The following STAM variants were observed in gnomAD, a reference collection of about 807,000 sequenced individuals.
STAM encodes signal transducing adaptor molecule, also known as signal transducing adapter molecule 1.
STAM carries 16 observed loss-of-function variants against 63.4 expected under a neutral mutation model. That is an observed-to-expected ratio of 0.25 (90% CI 0.17 to 0.38). STAM has a LOEUF of 0.38. Ranked by LOEUF, STAM falls within the 10% of genes least tolerant of loss-of-function variation. The pLI, the probability that STAM is intolerant of heterozygous loss-of-function variation, is 1.00. For synonymous variants in STAM, 238 were observed against 223.9 expected (o/e 1.06, Z -0.56); for missense variants, 636 against 657.1 (o/e 0.97, Z 0.35).
intron 8 of STAM, among the ~76,000 whole-genome samples, chr10:17,699,858 A>G (rs558997886): frequency 6.6e-6 from 1 of 152,314 alleles, no homozygotes; most frequent in South Asian, 2.1e-4. Flanking sequence ...CACTTAGGCC[A>G]TTGTAAAACT....
chr10:17,708,693 G>C, intron 12 of STAM, 83 bp from the exon 13 acceptor site: 1 of 1,312,254 alleles, frequency 7.6e-7, no homozygotes, highest in African/African-American at 1.5e-5. Flanking sequence ...TCTTGTTTTT[G>C]TAACTGAATA....
rs1253905340 is a variant in STAM, at chr10:17,715,813, G to A, written c.*1033G>A. The A allele has an allele frequency of 2.0e-5, 3 of 152,614 alleles. No homozygotes were observed. Among genetic ancestry groups the A allele is most frequent in the Admixed American group, 6.5e-5 (1 of 15,276 alleles). 9.5% of individuals were successfully genotyped at this position (152,614 alleles called of 1,614,324 possible). ...TTGGGATATCAACAAAATTTGATTCGTCTGTCTAATCCCTTGCTAGTATTT... is the reference window on the plus strand; with the variant it reads ...TTGGGATATCAACAAAATTTGATTCATCTGTCTAATCCCTTGCTAGTATTT... On this transcript the variant is annotated 3_prime_UTR_variant, in exon 14 of 14. Transcript: ENST00000377524.
intron 2 of STAM, among the ~76,000 whole-genome samples, chr10:17,683,027 C>T (rs1051901341): frequency 1.2e-4 from 18 of 152,254 alleles, no homozygotes; most frequent in Non-Finnish European, 1.9e-4. Context: ...AAACTGCTAA[C>T]GGTAGTGAAT....
intron 10 of STAM, 34 bp downstream of exon 10, chr10:17,704,552 GTAGT>G: frequency 1.3e-6 from 2 of 1,544,362 alleles, no homozygotes; most frequent in South Asian, 2.2e-5. Flanking sequence ...CAAATAAAGA[GTAGT>G]TAGAGGTTAA....
rs1223509007 is a variant in STAM at position 17,659,463 on chromosome 10, C to CTTTTTTTT, written c.41-986_41-979dup. Reference sequence around the variant, plus strand: ...GGTATTCCATCTTTATTCTCTTCCTCTTTTTTTTTTTTTTTTTTTTTTAAA... The same window carrying CTTTTTTTT: ...GGTATTCCATCTTTATTCTCTTCCTCTTTTTTTTTTTTTTTTTTTTTTTTTTTTTTAAA... On this transcript the variant is annotated intron_variant, in intron 1 of 13. Transcript: ENST00000377524. Among the ~76,000 whole-genome samples, 149 of 107,510 alleles carry CTTTTTTTT rather than the reference C, an allele frequency of 1.4e-3. 5 individuals carry two copies. Among genetic ancestry groups the CTTTTTTTT allele is most frequent in the African/African-American group, 5.1e-3 (141 of 27,426 alleles). 70.5% of individuals were successfully genotyped at this position (107,510 alleles called of 152,430 possible).
At chr10:17,698,736 TA>T (rs1274905427) in intron 8 of STAM, among the ~76,000 whole-genome samples, 1 of 152,146 alleles carries the variant, frequency 6.6e-6, no homozygotes, top group Non-Finnish European at 1.5e-5. Context: ...ATAAATAATA[TA>T]TTTTTTTACA....
chr10:17,687,355 A>G (rs575259286), intron 4 of STAM, among the ~76,000 whole-genome samples: 64 of 152,112 alleles, frequency 4.2e-4, no homozygotes, highest in African/African-American at 1.5e-3. Flanking sequence ...CGCGCCTGTA[A>G]TCCTACTCGG....
At chr10:17,693,939 C>T (rs1835650933) in intron 6 of STAM, among the ~76,000 whole-genome samples, 1 of 152,150 alleles carries the variant, frequency 6.6e-6, no homozygotes, top group Non-Finnish European at 1.5e-5. Flanking sequence ...TATTATTAAT[C>T]TGACAACACT....
At chr10:17,664,233 A>C in intron 2 of STAM, among the ~76,000 whole-genome samples, 1 of 152,022 alleles carries the variant, frequency 6.6e-6, no homozygotes, top group East Asian at 1.9e-4. Flanking sequence ...AAACTGTGGG[A>C]TACTTATGGT....
At chr10:17,711,457 A>C (rs1166350799) in intron 13 of STAM, among the ~76,000 whole-genome samples, 1 of 152,220 alleles carries the variant, frequency 6.6e-6, no homozygotes, top group African/African-American at 2.4e-5. Flanking sequence ...CAAGGTGCTT[A>C]CTGAGTAGTA....
intron 2 of STAM, among the ~76,000 whole-genome samples, chr10:17,663,530 T>A (rs1834259019): frequency 6.6e-6 from 1 of 152,092 alleles, no homozygotes; most frequent in African/African-American, 2.4e-5. Flanking sequence ...GTCAGTGTTT[T>A]TTCCTTTTCT....
chr10:17,705,941 G>A (rs1194250983), intron 12 of STAM, among the ~76,000 whole-genome samples, 200 bp downstream of exon 12: 2 of 151,602 alleles, frequency 1.3e-5, no homozygotes, highest in Non-Finnish European at 2.9e-5. Flanking sequence ...GCTGGGGCAT[G>A]TTCCTTGGTC....
At chr10:17,687,870 CATT>C (rs1435002516) in intron 4 of STAM, among the ~76,000 whole-genome samples, 154 bp from the exon 5 acceptor site, 2 of 152,122 alleles carry the variant, frequency 1.3e-5, no homozygotes, top group Non-Finnish European at 2.9e-5. Flanking sequence ...ATAGTGTGAA[CATT>C]AGTTTTATTT....
intron 1 of STAM, among the ~76,000 whole-genome samples, chr10:17,646,563 A>G (rs189079018): frequency 6.6e-6 from 1 of 152,358 alleles, no homozygotes; most frequent in Admixed American, 6.5e-5. Flanking sequence ...AGAATGTGTC[A>G]GTTGAGCCTG....
intron 8 of STAM, among the ~76,000 whole-genome samples, chr10:17,697,741 T>C (rs1835822973): frequency 6.6e-6 from 1 of 152,188 alleles, no homozygotes; most frequent in Admixed American, 6.5e-5. Context: ...CAGAAAAATA[T>C]GTTCAAATCT....
intron 1 of STAM, among the ~76,000 whole-genome samples, chr10:17,653,638 TAG>T (rs1464399903): frequency 2.6e-5 from 4 of 152,190 alleles, no homozygotes; most frequent in African/African-American, 9.6e-5. Context: ...ACCGAACACA[TAG>T]AGACATTTTT....
chr10:17,714,454 A>G (rs1836711823), intron 13 of STAM, 89 bp from the exon 14 acceptor site: 2 of 1,219,352 alleles, frequency 1.6e-6, no homozygotes, highest in African/African-American at 1.5e-5. Flanking sequence ...GACTATATGA[A>G]TGAATGCTTA....
intron 12 of STAM, among the ~76,000 whole-genome samples, chr10:17,706,666 A>G (rs1554829299): frequency 6.6e-6 from 1 of 152,080 alleles, no homozygotes; most frequent in African/African-American, 2.4e-5. Flanking sequence ...GGTGTGAGCC[A>G]TCGCGCCCGG....
chr10:17,660,542 G>A lies in STAM; in HGVS notation c.119G>A (p.Arg40His), dbSNP rs782614712. Residue 40 changes from arginine to histidine, a missense_variant, in exon 2 of 14, where the codon CGC (arginine) becomes CAC (histidine). By Grantham distance (29) the Arg-to-His change is conservative. Transcript: ENST00000377524. ...ATCTGTGATAAAGTTGGTCAGTCTC[G>A]CACTGGGTAAGTATTTAGCGTTTCA... ...LDICDKVGQS[R>H]TGPKDCLRSI... 62 of 1,596,808 alleles carry A rather than the reference G, an allele frequency of 3.9e-5. No individual in the cohort carries two copies. Among genetic ancestry groups the A allele is most frequent in the East Asian group, 6.9e-5 (3 of 43,574 alleles).
Sources: allele counts gnomAD v4.1 joint callset (sites outside exome capture counted in the v4.1 genomes callset), GRCh38; gene constraint gnomAD v4.1.1; transcripts MANE v1.5; gene names NCBI Gene and HGNC (gene_info 2026-07-23, HGNC 2026-07-21).